The following EEF1AKMT2 variants were observed in gnomAD, a reference collection of about 807,000 sequenced individuals.
EEF1AKMT2 encodes eukaryotic translation elongation factor 1 alpha lysine methyltransferase 2.
In EEF1AKMT2, 32 loss-of-function variants were observed where a neutral mutation model predicts 35.8. That is an observed-to-expected ratio of 0.89 (90% confidence interval 0.67 to 1.20). EEF1AKMT2 has a LOEUF of 1.20. Among genes scored for constraint, EEF1AKMT2 ranks in the 50% most tolerant of loss-of-function variants. The pLI is 0.00. For missense variants in EEF1AKMT2, 330 were observed against 347.5 expected (o/e 0.95, Z 0.40); for synonymous variants, 121 against 133.7 (o/e 0.91, Z 0.65).
At chr10:124,769,173 A>C (rs962389524) in intron 4 of EEF1AKMT2, among the ~76,000 whole-genome samples, 6 of 138,174 alleles carry the variant, frequency 4.3e-5, no homozygotes, top group South Asian at 2.5e-4. Context: ...AGCTGTAATA[A>C]CACCACCGCA....
intron 4 of EEF1AKMT2, among the ~76,000 whole-genome samples, chr10:124,772,489 C>T (rs1029161815): frequency 3.1e-5 from 4 of 129,642 alleles, no homozygotes; most frequent in Middle Eastern, 6.2e-3. Flanking sequence ...AGTGCAGTTG[C>T]GCGATCTTGG....
intron 3 of EEF1AKMT2, among the ~76,000 whole-genome samples, chr10:124,776,848 T>C (rs2134133322): frequency 6.7e-6 from 1 of 148,898 alleles, no homozygotes; most frequent in African/African-American, 2.5e-5. Flanking sequence ...AATTAGGAAG[T>C]TCAAGGGTGG....
intron 4 of EEF1AKMT2, among the ~76,000 whole-genome samples, chr10:124,768,853 T>C (rs761081051): frequency 2.6e-5 from 4 of 151,936 alleles, no homozygotes; most frequent in Non-Finnish European, 4.4e-5. Context: ...ACTGTAGTAG[T>C]TTAAACAAGA....
chr10:124,770,967 C>A (rs1950428060), intron 4 of EEF1AKMT2, among the ~76,000 whole-genome samples: 1 of 152,210 alleles, frequency 6.6e-6, no homozygotes, highest in Non-Finnish European at 1.5e-5. Context: ...TCTTGAACCT[C>A]TCTCCAAGTC....
rs371053913 is a variant in EEF1AKMT2, at chr10:124,782,535, T to G, written c.291+6508A>C. On this transcript the variant is annotated intron_variant, in intron 3 of 6. Transcript: ENST00000368836. ...AGGCGGAGCTTGCAGTGAGCCGAGA[T>G]CGCGCCACTGCACTCCAGCCTGGGC... Among the ~76,000 whole-genome samples the G allele has an allele frequency of 3.8e-4, 51 of 132,874 alleles. No individual in the cohort carries two copies. In the South Asian group the frequency reaches 0.012, roughly 30 times the overall value. The allele number at this position is 132,874 out of a possible 152,430, so 87.2% of individuals were successfully genotyped here. A position where few individuals can be genotyped will look rare whatever the true frequency, so the allele number is the denominator to read the frequency against.
At chr10:124,765,285 C>A (rs1341083394) in intron 5 of EEF1AKMT2, 107 bp downstream of exon 5, 4 of 904,146 alleles carry the variant, frequency 4.4e-6, no homozygotes, top group Non-Finnish European at 6.9e-6. Context: ...GCAGGCAATT[C>A]CCACAAATAG....
chr10:124,762,666 A>C (rs1419144991), intron 5 of EEF1AKMT2, 108 bp from the exon 6 acceptor site: 2 of 538,280 alleles, frequency 3.7e-6, no homozygotes, highest in East Asian at 2.4e-4. Context: ...AATTCATGTT[A>C]TCTAATTTCA....
In EEF1AKMT2 at chr10:124,765,119, G is replaced by A. The variant is rs376158224; in HGVS notation, c.616+273C>T. Reference sequence around the variant, plus strand: ...GGTTTCGCCACATTGCCCAGGCTGAGAACTTAATTTTTACAGGCTCATAAA... The same window carrying A: ...GGTTTCGCCACATTGCCCAGGCTGAAAACTTAATTTTTACAGGCTCATAAA... On this transcript the variant is annotated intron_variant, in intron 5 of 6. Coordinates refer to ENST00000368836, the MANE Select transcript of EEF1AKMT2 (RefSeq NM_212554.4). 2.0e-5 allele frequency among the ~76,000 whole-genome samples: 3 copies of A among 152,150 alleles called. No homozygotes were observed. The South Asian group carries it at 6.2e-4, about 32-fold the overall frequency.
intron 2 of EEF1AKMT2, among the ~76,000 whole-genome samples, chr10:124,789,806 A>G (rs1384856014): frequency 1.3e-5 from 2 of 151,906 alleles, no homozygotes; most frequent in African/African-American, 4.8e-5. Context: ...AAAAGAAGAG[A>G]CATACTTTAA....
At chr10:124,763,356 T>C (rs1007018809) in intron 5 of EEF1AKMT2, among the ~76,000 whole-genome samples, 3 of 152,190 alleles carry the variant, frequency 2.0e-5, no homozygotes, top group Non-Finnish European at 2.9e-5. Flanking sequence ...TTTATGAACA[T>C]TTATAGTTCA....
intron 4 of EEF1AKMT2, among the ~76,000 whole-genome samples, chr10:124,773,428 CACCATGCTG>C (rs1407519410): frequency 4.7e-4 from 72 of 152,260 alleles, no homozygotes; most frequent in Middle Eastern, 3.4e-3. Context: ...GATATGGTTT[CACCATGCTG>C]GCCAGGCTAG....
At chr10:124,782,957 C>A in intron 3 of EEF1AKMT2, 1 of 427,546 alleles carries the variant, frequency 2.3e-6, no homozygotes. Context: ...AAATAACTAC[C>A]AACTATATGC....
intron 6 of EEF1AKMT2, among the ~76,000 whole-genome samples, chr10:124,760,837 T>G (rs1453754792): frequency 6.6e-6 from 1 of 152,216 alleles, no homozygotes; most frequent in African/African-American, 2.4e-5. Context: ...ACCTGGTTTG[T>G]AGGAAGCAGC....
Position 124,765,628 on chromosome 10 carries a change from C to G in EEF1AKMT2, c.400-20G>C. 1.9e-6 allele frequency: 3 copies of G among 1,580,378 alleles called. No individual in the cohort carries two copies. On this transcript the variant is annotated intron_variant, in intron 4 of 6. Transcript: ENST00000368836. ...TTCTACCTATATTAAAAGTCAATGTCTATGTGAGAACAATTAAAACAAAAT... is the reference window on the plus strand; with the variant it reads ...TTCTACCTATATTAAAAGTCAATGTGTATGTGAGAACAATTAAAACAAAAT...
In EEF1AKMT2 at chr10:124,791,763, T is replaced by A; in HGVS notation, c.71A>T (p.Glu24Val). The A allele has an allele frequency of 6.3e-7, 1 of 1,595,568 alleles. No homozygotes were observed. The highest frequency in any genetic ancestry group is 2.3e-5 in the East Asian group (1 of 44,348). The change falls in exon 1 of 7, where the codon GAG (glutamate) becomes GTG (valine). Residue 24 changes from glutamate to valine, a missense_variant. Transcript: ENST00000368836. ...CAGCGCCGACGGGACGAAACCGTCC[T>A]CCCCGGGACTGCCCTTGTCCGACCG... Reference protein sequence around the residue: ...AARSDKGSPGEDGFVPSALGT... With the variant: ...AARSDKGSPGVDGFVPSALGT...
chr10:124,780,447 A>C (rs1202871089), intron 3 of EEF1AKMT2, among the ~76,000 whole-genome samples: 2 of 152,258 alleles, frequency 1.3e-5, no homozygotes, highest in East Asian at 3.8e-4. Context: ...TAAAAAATTA[A>C]GACATGTCAG....
At chr10:124,778,737 A>AAT (rs1201736845) in intron 3 of EEF1AKMT2, among the ~76,000 whole-genome samples, 1 of 151,526 alleles carries the variant, frequency 6.6e-6, no homozygotes, top group Non-Finnish European at 1.5e-5. Flanking sequence ...AAAAAAAAAA[A>AAT]GAAAAACAGA....
chr10:124,762,567 C>CAG lies in EEF1AKMT2; in HGVS notation c.617-11_617-10dup, dbSNP rs536591971. On this transcript the variant is annotated splice_polypyrimidine_tract_variant and intron_variant, in intron 5 of 6. Transcript: ENST00000368836. Reference sequence around the variant, plus strand: ...TGCCACTGTACTCCAACCTGGGCAACAGAGAGAGAGACAGACCGTTTCAAA... The same window carrying CAG: ...TGCCACTGTACTCCAACCTGGGCAACAGAGAGAGAGAGACAGACCGTTTCAAA... 11 of 1,185,070 alleles carry CAG rather than the reference C, an allele frequency of 9.3e-6. No homozygotes were observed. The highest frequency in any genetic ancestry group is 1.6e-5 in the South Asian group (1 of 63,246). The allele number at this position is 1,185,070 out of a possible 1,614,324, so 73.4% of individuals were successfully genotyped here.
chr10:124,787,632 A>C (rs1279876497), intron 3 of EEF1AKMT2, among the ~76,000 whole-genome samples: 1 of 152,014 alleles, frequency 6.6e-6, no homozygotes, highest in African/African-American at 2.4e-5. Context: ...GTCTCTACAA[A>C]AAAAATCAAA....
Sources: allele counts gnomAD v4.1 joint callset (sites outside exome capture counted in the v4.1 genomes callset), GRCh38; gene constraint gnomAD v4.1.1; transcripts MANE v1.5; gene names NCBI Gene and HGNC (gene_info 2026-07-23, HGNC 2026-07-21).